GRIP1: variants seen among roughly 807,000 people sequenced by gnomAD.
GRIP1 encodes glutamate receptor interacting protein 1.
A neutral mutation model predicts 129.9 loss-of-function variants in GRIP1; 45 were observed. The observed-to-expected ratio is 0.35, with a 90% confidence interval of 0.27 to 0.44. The LOEUF is 0.44. GRIP1 is among the 20% of genes least tolerant of loss of function. The pLI, the probability that GRIP1 is intolerant of heterozygous loss-of-function variation, is 1.00. For synonymous variants in GRIP1, 530 were observed against 520.8 expected (o/e 1.02, Z -0.24); for missense variants, 1,196 against 1,396.8 (o/e 0.86, Z 2.29).
At chr12:67,029,681 C>T (rs1306860554) in intron 1 of GRIP1, among the ~76,000 whole-genome samples, 1 of 150,930 alleles carries the variant, frequency 6.6e-6, no homozygotes, top group Non-Finnish European at 1.5e-5. Flanking sequence ...TATAACATTG[C>T]TTTGACTTTT....
At chr12:66,941,568 T>TCA (rs550248246) in intron 1 of GRIP1, among the ~76,000 whole-genome samples, 23 of 152,280 alleles carry the variant, frequency 1.5e-4, no homozygotes, top group African/African-American at 5.1e-4. Context: ...TTTTTCTACT[T>TCA]CAAAGCTACA....
rs768963544 is a variant in GRIP1 at position 66,349,082 on chromosome 12, A to G, written c.3324T>C (p.Ala1108=). 2 of 1,614,142 alleles carry G rather than the reference A, an allele frequency of 1.2e-6. No individual in the cohort carries two copies. The highest frequency in any genetic ancestry group is 1.7e-6 in the Non-Finnish European group (2 of 1,179,998). The change falls in exon 25 of 25, where the codon GCT becomes GCC. Residue 1108 remains alanine, a synonymous_variant. Transcript: ENST00000359742. The stretch of plus-strand genomic sequence containing the variant: ...CACCGTGGCTAGGCTGCTGGAAAAA[A>G]GCACTGTTCTGTTCACTCCAATCTC... ...LPGDWSEQNS[A]FFQQPSHGGN...
rs150347548 is a variant in GRIP1, at chr12:66,678,030, T to G, written c.55+820A>C. Among the ~76,000 whole-genome samples the G allele has an allele frequency of 3.0e-4, 45 of 152,214 alleles. 1 individual carries two copies. The highest frequency in any genetic ancestry group is 5.4e-4 in the Non-Finnish European group (37 of 68,008). ...TAAATTTTCTCTAAGGAAGGTTCTA[T>G]CTAAAGGAAATAAGGCAAGAGAGCT... On this transcript the variant is annotated intron_variant, in intron 1 of 24. Coordinates refer to ENST00000359742, the MANE Select transcript of GRIP1 (RefSeq NM_001366722.1).
At chr12:66,850,169 T>C (rs1333064055) in intron 1 of GRIP1, among the ~76,000 whole-genome samples, 1 of 151,822 alleles carries the variant, frequency 6.6e-6, no homozygotes, top group Non-Finnish European at 1.5e-5. Context: ...AATCTAAGAG[T>C]CAAAAAAGAA....
intron 22 of GRIP1, among the ~76,000 whole-genome samples, chr12:66,374,145 T>C (rs2055669654): frequency 6.6e-6 from 1 of 152,176 alleles, no homozygotes; most frequent in African/African-American, 2.4e-5. Flanking sequence ...TCATGGGATA[T>C]TCTTTATTTT....
intron 11 of GRIP1, among the ~76,000 whole-genome samples, chr12:66,450,810 G>T (rs59747012): frequency 0.23 from 35,013 of 151,944 alleles, 4,518 homozygotes; most frequent in Middle Eastern, 0.41. Context: ...GATATATTGT[G>T]ATTTAAAGAT....
chr12:66,859,886 T>G (rs1566054926), intron 1 of GRIP1, among the ~76,000 whole-genome samples: 1 of 152,006 alleles, frequency 6.6e-6, no homozygotes, highest in Non-Finnish European at 1.5e-5. Context: ...GATAGTCCTG[T>G]CCTATTACTA....
At chr12:66,515,405 A>G (rs534238338) in intron 7 of GRIP1, among the ~76,000 whole-genome samples, 2 of 152,314 alleles carry the variant, frequency 1.3e-5, no homozygotes, top group Non-Finnish European at 2.9e-5. Context: ...ATGAGACTCT[A>G]TTATGGAACC....
chr12:67,003,552 G>A (rs989665452), intron 1 of GRIP1, among the ~76,000 whole-genome samples: 1 of 151,926 alleles, frequency 6.6e-6, no homozygotes, highest in Non-Finnish European at 1.5e-5. Flanking sequence ...AATTAGCCAG[G>A]CTTGGCAGTG....
intron 1 of GRIP1, among the ~76,000 whole-genome samples, chr12:66,941,893 T>G (rs188902830): frequency 7.3e-4 from 111 of 152,314 alleles, no homozygotes; most frequent in Middle Eastern, 3.4e-3. Flanking sequence ...AGCTTTGACA[T>G]TCATCCAATC....
intron 1 of GRIP1, among the ~76,000 whole-genome samples, chr12:66,971,305 G>T (rs938082298): frequency 1.3e-5 from 2 of 152,138 alleles, no homozygotes; most frequent in South Asian, 4.1e-4. Flanking sequence ...AGGTTTGGAA[G>T]GGAGTGAGGA....
At chr12:66,625,486 C>T (rs937061169) in intron 1 of GRIP1, among the ~76,000 whole-genome samples, 8 of 152,076 alleles carry the variant, frequency 5.3e-5, no homozygotes, top group Admixed American at 4.6e-4. Flanking sequence ...ATAAAATTTA[C>T]ACATTTATAT....
intron 9 of GRIP1, among the ~76,000 whole-genome samples, chr12:66,456,855 TAC>T (rs1161577236): frequency 6.6e-6 from 1 of 152,188 alleles, no homozygotes; most frequent in Non-Finnish European, 1.5e-5. Flanking sequence ...TTAATTGCAC[TAC>T]AATCCATCAC....
At chr12:66,591,941 A>G (rs565805382) in intron 2 of GRIP1, among the ~76,000 whole-genome samples, 1 of 152,170 alleles carries the variant, frequency 6.6e-6, no homozygotes, top group South Asian at 2.1e-4. Context: ...ATTTTTTTGG[A>G]GAGTCTCAAT....
chr12:66,853,810 A>G (rs1442446194), intron 1 of GRIP1, among the ~76,000 whole-genome samples: 1 of 152,128 alleles, frequency 6.6e-6, no homozygotes, highest in Non-Finnish European at 1.5e-5. Context: ...AAGTTCAGTT[A>G]CACTTAATTT....
At chr12:66,818,725 T>A (rs936430027) in intron 1 of GRIP1, among the ~76,000 whole-genome samples, 8 of 152,274 alleles carry the variant, frequency 5.3e-5, no homozygotes, top group African/African-American at 1.9e-4. Flanking sequence ...ATGTGTGTGG[T>A]GGCAAAGAAT....
intron 1 of GRIP1, among the ~76,000 whole-genome samples, chr12:66,863,320 A>C (rs1254160258): frequency 6.6e-6 from 1 of 152,178 alleles, no homozygotes; most frequent in African/African-American, 2.4e-5. Flanking sequence ...AAGATAAATA[A>C]GTTCCTGTTC....
chr12:66,599,791 A>G, intron 1 of GRIP1, among the ~76,000 whole-genome samples: 1 of 152,206 alleles, frequency 6.6e-6, no homozygotes, highest in East Asian at 1.9e-4. Flanking sequence ...GGGATAATCT[A>G]GACCACTCTT....
intron 5 of GRIP1, among the ~76,000 whole-genome samples, chr12:66,529,330 C>T (rs147949180): frequency 6.6e-6 from 1 of 152,328 alleles, no homozygotes; most frequent in African/African-American, 2.4e-5. Context: ...AAAAAAGATA[C>T]TTGCACATGC....
Sources: gnomAD v4.1 joint callset for allele counts (sites outside exome capture counted in the v4.1 genomes callset) on GRCh38, gnomAD v4.1.1 for gene constraint, MANE v1.5 for transcripts, NCBI Gene and HGNC (gene_info 2026-07-23, HGNC 2026-07-21) for gene names.